NFATC1: variants seen among roughly 807,000 people sequenced by gnomAD.
The protein encoded by NFATC1 is nuclear factor of activated T cells 1.
NFATC1 carries 22 observed loss-of-function variants against 76.0 expected under a neutral mutation model. The observed-to-expected ratio is 0.29, with a 90% CI of 0.21 to 0.41. NFATC1 has a LOEUF of 0.41. Ranked by LOEUF, NFATC1 falls within the 10% of genes least tolerant of loss-of-function variation. The pLI is 1.00. For synonymous variants in NFATC1, 704 were observed against 613.1 expected (o/e 1.15, Z -2.19); for missense variants, 1,357 against 1,337.7 (o/e 1.01, Z -0.23).
intron 9 of NFATC1, among the ~76,000 whole-genome samples, chr18:79,510,821 C>G (rs1382766232): frequency 1.5e-4 from 2 of 13,528 alleles, no homozygotes; most frequent in Non-Finnish European, 3.0e-4. Flanking sequence ...GGCTCCTCTG[C>G]CGGGGCATCC....
rs542179762 is a variant in NFATC1, at chr18:79,411,490, G to A, written c.1215G>A (p.Thr405=). 2.2e-5 allele frequency: 33 copies of A among 1,500,966 alleles called. 1 individual carries two copies. In the East Asian group the frequency reaches 4.2e-4, roughly 19 times the overall value. 93.0% of individuals were successfully genotyped at this position (1,500,966 alleles called of 1,614,324 possible). A position where few individuals can be genotyped will look rare whatever the true frequency, so the allele number is the denominator to read the frequency against. The change falls in exon 2 of 10, where the codon ACG becomes ACA. Residue 405 remains threonine (T), a synonymous_variant. Transcript: ENST00000427363. ...QWAKPKPLSP[T]SYMSPTLPAL... Reference sequence around the variant, plus strand: ...CGAAGCCCAAGCCCCTGTCCCCTACGTCCTACATGAGGTGAGCCGGCAGCG... The same window carrying A: ...CGAAGCCCAAGCCCCTGTCCCCTACATCCTACATGAGGTGAGCCGGCAGCG...
chr18:79,510,832 TCTGCCGGGG>T (rs2090227288), intron 9 of NFATC1, among the ~76,000 whole-genome samples: 1 of 150,120 alleles, frequency 6.7e-6, no homozygotes, highest in Non-Finnish European at 1.5e-5. Flanking sequence ...CGGGGCATCC[TCTGCCGGGG>T]CATCCTCTGC....
At chr18:79,425,628 C>A (rs184229118) in intron 2 of NFATC1, among the ~76,000 whole-genome samples, 4 of 152,324 alleles carry the variant, frequency 2.6e-5, no homozygotes, top group African/African-American at 9.6e-5. Context: ...CTTCTGCTGC[C>A]GAGGGCGCGA....
chr18:79,482,903 C>A (rs2089343646), intron 8 of NFATC1, among the ~76,000 whole-genome samples: 1 of 141,768 alleles, frequency 7.1e-6, no homozygotes, highest in Non-Finnish European at 1.5e-5. Flanking sequence ...TCCAGCGTGA[C>A]CTGGTCCTGG....
At chr18:79,413,627 G>C (rs1476344900) in intron 2 of NFATC1, among the ~76,000 whole-genome samples, 1 of 152,266 alleles carries the variant, frequency 6.6e-6, no homozygotes, top group Non-Finnish European at 1.5e-5. Context: ...CATTATGTGA[G>C]TTTGCGGGGA....
At chr18:79,507,301 T>C (rs1285856293) in intron 9 of NFATC1, among the ~76,000 whole-genome samples, 1 of 152,232 alleles carries the variant, frequency 6.6e-6, no homozygotes, top group Non-Finnish European at 1.5e-5. Context: ...CACTCAGAGC[T>C]GGTGGCAGGG....
chr18:79,501,491 A>C (rs2090013076), intron 9 of NFATC1, among the ~76,000 whole-genome samples: 2 of 152,234 alleles, frequency 1.3e-5, no homozygotes, highest in African/African-American at 2.4e-5. Context: ...CAGTGTAGCC[A>C]GGTAAGAAAC....
intron 3 of NFATC1, among the ~76,000 whole-genome samples, chr18:79,435,599 C>T (rs564217274): frequency 5.3e-5 from 8 of 152,296 alleles, no homozygotes; most frequent in African/African-American, 1.7e-4. Flanking sequence ...ACTCTCCCTG[C>T]GTCTTCTGGA....
At chr18:79,499,213 G>A (rs145741877) in intron 9 of NFATC1, among the ~76,000 whole-genome samples, 164 of 152,330 alleles carry the variant, frequency 1.1e-3, no homozygotes, top group African/African-American at 3.8e-3. Context: ...AGGAAGGGGT[G>A]GGGAAGGAAG....
intron 4 of NFATC1, among the ~76,000 whole-genome samples, chr18:79,449,364 C>T (rs1339104427): frequency 6.6e-6 from 1 of 152,198 alleles, no homozygotes; most frequent in Non-Finnish European, 1.5e-5. Flanking sequence ...TAGGAGGTTC[C>T]GACAACACGG....
chr18:79,451,608 G>T, intron 5 of NFATC1, 68 bp from the exon 6 acceptor site: 1 of 1,427,324 alleles, frequency 7.0e-7, no homozygotes, highest in Non-Finnish European at 9.2e-7. Flanking sequence ...GACCTGCTGG[G>T]TGCCACACGT....
At position 79,522,904 on chromosome 18, in the gene NFATC1, G is replaced by A. The variant is rs73481140; in HGVS notation, c.2783-4624G>A. 4.8e-3 allele frequency among the ~76,000 whole-genome samples: 724 copies of A among 152,306 alleles called. 6 individuals carry two copies. The highest frequency in any genetic ancestry group is 0.016 in the African/African-American group (674 of 41,570). ...CATCTAACACTGTGGCTTGCCCAGCGGGGCCCCAGGCCGCCATCTGGGAGG... is the reference window on the plus strand; with the variant it reads ...CATCTAACACTGTGGCTTGCCCAGCAGGGCCCCAGGCCGCCATCTGGGAGG... On this transcript the variant is annotated intron_variant, in intron 9 of 9. Coordinates refer to ENST00000427363, the MANE Select transcript of NFATC1 (RefSeq NM_001278669.2).
At chr18:79,502,045 G>A (rs1569036435) in intron 9 of NFATC1, among the ~76,000 whole-genome samples, 1 of 152,144 alleles carries the variant, frequency 6.6e-6, no homozygotes, top group Non-Finnish European at 1.5e-5. Context: ...ACCCAGAATA[G>A]CCAAAACAAT....
intron 2 of NFATC1, chr18:79,421,316 G>A (rs1410035429): frequency 6.6e-6 from 1 of 152,340 alleles, no homozygotes; most frequent in Non-Finnish European, 1.5e-5. Flanking sequence ...ATGACATGTG[G>A]CACAGACCTG....
At chr18:79,516,513 GA>G (rs2090388481) in intron 9 of NFATC1, among the ~76,000 whole-genome samples, 2 of 152,206 alleles carry the variant, frequency 1.3e-5, no homozygotes, top group African/African-American at 4.8e-5. Context: ...TGGAGTGGCA[GA>G]ACCGCCCTTG....
In NFATC1 at chr18:79,414,600, T is replaced by C. The variant is rs114957282; in HGVS notation, c.1226+3099T>C. On this transcript the variant is annotated intron_variant, in intron 2 of 9. Transcript: ENST00000427363. ...GTTAGTAAGAGTAGGTGATAGAACC[T>C]TGATAGTTTTAGAGTTTGGAGCCAT... 3.5e-3 allele frequency among the ~76,000 whole-genome samples: 536 copies of C among 152,292 alleles called. 4 individuals carry two copies. Among genetic ancestry groups the C allele is most frequent in the African/African-American group, 0.012 (492 of 41,562 alleles).
intron 2 of NFATC1, among the ~76,000 whole-genome samples, chr18:79,417,849 C>T (rs1382230305): frequency 1.2e-4 from 2 of 16,164 alleles, no homozygotes; most frequent in African/African-American, 2.9e-4. Context: ...GATGGGAGAT[C>T]GGCTGTGGTG....
chr18:79,490,484 T>TA (rs1439705064), intron 9 of NFATC1, among the ~76,000 whole-genome samples: 1 of 152,074 alleles, frequency 6.6e-6, no homozygotes, highest in Non-Finnish European at 1.5e-5. Flanking sequence ...TAGTCCCTGA[T>TA]ACAGGCCTGA....
chr18:79,510,469 A>C (rs2145170461), intron 9 of NFATC1, among the ~76,000 whole-genome samples: 1 of 152,320 alleles, frequency 6.6e-6, no homozygotes. Flanking sequence ...ACCTGATGGC[A>C]CCTGCGTGGT....
Sources: gnomAD v4.1 joint callset for allele counts (sites outside exome capture counted in the v4.1 genomes callset) on GRCh38, gnomAD v4.1.1 for gene constraint, MANE v1.5 for transcripts, NCBI Gene and HGNC (gene_info 2026-07-23, HGNC 2026-07-21) for gene names.